Variants in TNNI1 observed in about 807,000 individuals in gnomAD.
The protein encoded by TNNI1 is troponin I, slow skeletal muscle.
In TNNI1, 14 loss-of-function variants were observed where a neutral mutation model predicts 26.7. The ratio of observed to expected loss-of-function variants is 0.52; its 90% CI spans 0.35 to 0.82. TNNI1 has a LOEUF of 0.82. Ranked by LOEUF, TNNI1 falls within the 40% of genes least tolerant of loss-of-function variation. The pLI is 0.01. For synonymous variants in TNNI1, 79 were observed against 98.2 expected (o/e 0.80, Z 1.16); for missense variants, 164 against 257.0 (o/e 0.64, Z 2.47).
At chr1:201,410,230 C>A in intron 8 of TNNI1, 96 bp downstream of exon 8, 1 of 1,072,768 alleles carries the variant, frequency 9.3e-7, no homozygotes, top group Non-Finnish European at 1.4e-6. Flanking sequence ...TGCATCCGTG[C>A]ACCACACTAA....
intron 8 of TNNI1, chr1:201,409,946 T>G: frequency 5.9e-6 from 1 of 169,308 alleles, no homozygotes; most frequent in Non-Finnish European, 1.3e-5. Context: ...CTCATGTGCA[T>G]CAGAATCACC....
intron 1 of TNNI1, among the ~76,000 whole-genome samples, chr1:201,418,397 G>A (rs1662792823): frequency 6.6e-6 from 1 of 151,442 alleles, no homozygotes; most frequent in Non-Finnish European, 1.5e-5. Flanking sequence ...GAACCCAGGA[G>A]GCGGAGGTTA....
At chr1:201,415,315 G>C in intron 3 of TNNI1, 61 bp from the exon 4 acceptor site, 1 of 1,567,610 alleles carries the variant, frequency 6.4e-7, no homozygotes, top group Non-Finnish European at 8.8e-7. Context: ...TGGAATTCTG[G>C]TCTAGGACAA....
chr1:201,404,159 C>T lies in TNNI1; in HGVS notation c.*5094G>A, dbSNP rs904888709. ...CAAGGGGTCATCTCTCTCGTCCCCT[C>T]CCTCGAGGTTCTGAGGAGCCTCAGA... is the stretch of plus-strand genomic sequence containing the variant. On this transcript the variant is annotated 3_prime_UTR_variant, in exon 9 of 9. Coordinates refer to ENST00000361379, the MANE Select transcript of TNNI1 (RefSeq NM_003281.4). 7.2e-5 allele frequency: 11 copies of T among 152,156 alleles called. No homozygotes were observed. Among genetic ancestry groups the T allele is most frequent in the African/African-American group, 2.7e-4 (11 of 41,420 alleles). 9.4% of individuals were successfully genotyped at this position (152,156 alleles called of 1,614,324 possible).
At chr1:201,416,316 G>A (rs897812494) in intron 3 of TNNI1, among the ~76,000 whole-genome samples, 3 of 152,190 alleles carry the variant, frequency 2.0e-5, no homozygotes, top group African/African-American at 2.4e-5. Flanking sequence ...CATGGCAAAT[G>A]TTTGACTGCG....
intron 3 of TNNI1, among the ~76,000 whole-genome samples, chr1:201,416,371 G>T (rs1285442547): frequency 1.3e-5 from 2 of 152,224 alleles, no homozygotes; most frequent in Non-Finnish European, 2.9e-5. Flanking sequence ...CACCTCATTT[G>T]ACCATCAGTC....
chr1:201,410,543 T>A, intron 7 of TNNI1, 108 bp from the exon 8 acceptor site: 1 of 926,920 alleles, frequency 1.1e-6, no homozygotes, highest in Non-Finnish European at 1.7e-6. Context: ...TAAGAAATCC[T>A]GATGCCCCTC....
chr1:201,405,898 G>A lies in TNNI1; in HGVS notation c.*3355C>T, dbSNP rs927373207. 6.6e-6 allele frequency: 1 copy of A among 152,344 alleles called. No individual in the cohort carries two copies. Among genetic ancestry groups the A allele is most frequent in the Non-Finnish European group, 1.5e-5 (1 of 68,154 alleles). The allele number at this position is 152,344 out of a possible 1,614,324, so 9.4% of individuals were successfully genotyped here. On this transcript the variant is annotated 3_prime_UTR_variant, in exon 9 of 9. Coordinates refer to ENST00000361379, the MANE Select transcript of TNNI1 (RefSeq NM_003281.4). ...GAGAGGGGGTGCCCACCCAGCTATTGTGTGCTGATTAGTAATAGATATCCC... is the reference window on the plus strand; with the variant it reads ...GAGAGGGGGTGCCCACCCAGCTATTATGTGCTGATTAGTAATAGATATCCC...
chr1:201,415,318 T>C, intron 3 of TNNI1, 64 bp from the exon 4 acceptor site: 1 of 1,556,090 alleles, frequency 6.4e-7, no homozygotes, highest in Non-Finnish European at 8.9e-7. Context: ...AATTCTGGTC[T>C]AGGACAAGAC....
intron 6 of TNNI1, among the ~76,000 whole-genome samples, chr1:201,412,506 G>A (rs1261593444): frequency 6.6e-6 from 1 of 152,118 alleles, no homozygotes; most frequent in African/African-American, 2.4e-5. Context: ...AGCAGGGTCT[G>A]GGTGGAGCTA....
intron 2 of TNNI1, 82 bp downstream of exon 2, chr1:201,417,701 A>G (rs1662775342): frequency 9.8e-6 from 12 of 1,223,510 alleles, no homozygotes; most frequent in Non-Finnish European, 1.3e-5. Context: ...GGTTGAAAAC[A>G]TGGTGCCTCC....
chr1:201,417,896 A>G, intron 1 of TNNI1, 84 bp from the exon 2 acceptor site: 1 of 1,008,856 alleles, frequency 9.9e-7, no homozygotes, highest in Admixed American at 3.5e-5. Context: ...CCAGCCTAGG[A>G]GACAGAGTCA....
At position 201,407,970 on chromosome 1, in the gene TNNI1, G is replaced by A. The variant is rs1304380541; in HGVS notation, c.*1283C>T. The A allele has an allele frequency of 6.6e-6, 1 of 151,766 alleles. No homozygotes were observed. Among genetic ancestry groups the A allele is most frequent in the Non-Finnish European group, 1.5e-5 (1 of 68,058 alleles). 9.4% of individuals were successfully genotyped at this position (151,766 alleles called of 1,614,324 possible). A position where few individuals can be genotyped will look rare whatever the true frequency, so the allele number is the denominator to read the frequency against. On this transcript the variant is annotated 3_prime_UTR_variant, in exon 9 of 9. Transcript: ENST00000361379. Reference sequence around the variant, plus strand: ...AAGCAGGAGAATCGCTTGAACCTGGGAGGCGGAGGTTGCAGTGAGTCGAGA... The same window carrying A: ...AAGCAGGAGAATCGCTTGAACCTGGAAGGCGGAGGTTGCAGTGAGTCGAGA...
At chr1:201,419,625 C>T (rs1218961299) in intron 1 of TNNI1, among the ~76,000 whole-genome samples, 2 of 152,204 alleles carry the variant, frequency 1.3e-5, no homozygotes, top group African/African-American at 2.4e-5. Context: ...AGAGCCACCC[C>T]TTCCTCTGCC....
rs1354423367 is a variant in TNNI1, at chr1:201,407,425, C to T, written c.*1828G>A. ...AAGAACCCTGGGCAGAGTGCTGCTTCCCCTAAGGTAGCCCAAGTTGCTGGT... is the reference window on the plus strand; with the variant it reads ...AAGAACCCTGGGCAGAGTGCTGCTTTCCCTAAGGTAGCCCAAGTTGCTGGT... On this transcript the variant is annotated 3_prime_UTR_variant, in exon 9 of 9. Transcript: ENST00000361379. 1 of 152,264 alleles carries T rather than the reference C, an allele frequency of 6.6e-6. No individual in the cohort carries two copies. The highest frequency in any genetic ancestry group is 1.5e-5 in the Non-Finnish European group (1 of 68,072). 9.4% of individuals were successfully genotyped at this position (152,264 alleles called of 1,614,324 possible). A position where few individuals can be genotyped will look rare whatever the true frequency, so the allele number is the denominator to read the frequency against.
chr1:201,420,783 C>T (rs1336790439), intron 1 of TNNI1, among the ~76,000 whole-genome samples: 4 of 152,072 alleles, frequency 2.6e-5, no homozygotes, highest in African/African-American at 7.2e-5. Flanking sequence ...CTGGGCTGCC[C>T]CCATCTTGAG....
chr1:201,415,140 T>A, intron 4 of TNNI1, 73 bp downstream of exon 4: 4 of 1,338,634 alleles, frequency 3.0e-6, no homozygotes, highest in Non-Finnish European at 4.3e-6. Context: ...ATCCTCCACA[T>A]CCCTTCAGAG....
At chr1:201,414,162 T>C (rs113906135) in intron 5 of TNNI1, among the ~76,000 whole-genome samples, 2,832 of 152,302 alleles carry the variant, frequency 0.019, 82 homozygotes, top group African/African-American at 0.064. Flanking sequence ...TCTGAAAACA[T>C]TGAAGACCAA....
Position 201,413,012 on chromosome 1 carries a change from C to T in TNNI1, c.279+20G>A. ...TGCCCAACCCATTATGGCCATGCCC[C>T]TTCCCTTCCTTAGACTCACCTCCCT... is the stretch of plus-strand genomic sequence containing the variant. On this transcript the variant is annotated intron_variant, in intron 6 of 8. Transcript: ENST00000361379. 3.1e-6 allele frequency: 5 copies of T among 1,613,048 alleles called. No individual in the cohort carries two copies. The highest frequency in any genetic ancestry group is 2.2e-5 in the East Asian group (1 of 44,870).
Sources: allele counts gnomAD v4.1 joint callset (sites outside exome capture counted in the v4.1 genomes callset), GRCh38; gene constraint gnomAD v4.1.1; transcripts MANE v1.5; gene names NCBI Gene and HGNC (gene_info 2026-07-23, HGNC 2026-07-21).